Variants in TEDC1 observed in about 807,000 individuals in gnomAD.
The protein encoded by TEDC1 is tubulin epsilon and delta complex 1, also known as tubulin epsilon and delta complex protein 1.
In TEDC1, 54 loss-of-function variants were observed where a neutral mutation model predicts 59.9. The observed-to-expected ratio is 0.90, with a 90% CI of 0.72 to 1.13. The LOEUF (loss-of-function observed/expected upper bound fraction) is 1.13. Among genes scored for constraint, TEDC1 ranks in the 50% most tolerant of loss-of-function variants. The pLI is 0.00. For synonymous variants in TEDC1, 353 were observed against 298.1 expected (o/e 1.18, Z -1.90); for missense variants, 734 against 683.4 (o/e 1.07, Z -0.83).
rs2084402723 is a variant in TEDC1 at position 105,498,693 on chromosome 14, G to A, written c.1235G>A (p.Gly412Glu). The change falls in exon 9 of 9, where the codon GGA (glycine) becomes GAA (glutamate). Residue 412 changes from glycine (G) to glutamate (E), a missense_variant. Transcript: ENST00000392523. ...CGGGAGGCTGTGGAAAAGGAGCTGG[G>A]AGCTCTACAGCAGTGCTGGGAGCGA... ...ASREAVEKELGALQQCWERDG... is the reference protein window; with the variant it reads ...ASREAVEKELEALQQCWERDG... 1.3e-6 allele frequency: 2 copies of A among 1,553,606 alleles called. No individual in the cohort carries two copies. The highest frequency in any genetic ancestry group is 1.7e-6 in the Non-Finnish European group (2 of 1,148,990).
At position 105,497,284 on chromosome 14, in the gene TEDC1, C is replaced by T. The variant is rs587746042; in HGVS notation, c.892-73C>T. 6.1e-5 allele frequency: 87 copies of T among 1,433,812 alleles called. No individual in the cohort carries two copies. The East Asian group carries it at 1.8e-3, about 29-fold the overall frequency. The allele number at this position is 1,433,812 out of a possible 1,614,324, so 88.8% of individuals were successfully genotyped here. A position where few individuals can be genotyped will look rare whatever the true frequency, so the allele number is the denominator to read the frequency against. On this transcript the variant is annotated intron_variant, in intron 6 of 8. Coordinates refer to ENST00000392523, the MANE Select transcript of TEDC1 (RefSeq NM_001367178.1). The stretch of plus-strand genomic sequence containing the variant: ...GTTGGGCCGGGTGTCGGCGCTGGGT[C>T]CAGCTGTCCATCCGACTGTCTGTCC...
chr14:105,497,809 G>A lies in TEDC1; in HGVS notation c.990G>A (p.Leu330=), dbSNP rs2084381377. 1 of 1,566,774 alleles carries A rather than the reference G, an allele frequency of 6.4e-7. No homozygotes were observed. The highest frequency in any genetic ancestry group is 2.3e-5 in the East Asian group (1 of 43,102). Residue 330 remains leucine, a synonymous_variant, in exon 8 of 9, where the codon CTG becomes CTA. Coordinates refer to ENST00000392523, the MANE Select transcript of TEDC1 (RefSeq NM_001367178.1). Reference sequence around the variant, plus strand: ...TTGGGTCTCTGTAGGACACGGTCCTGGGCACCTGTGCCCCGGAGGTGCCTG... The same window carrying A: ...TTGGGTCTCTGTAGGACACGGTCCTAGGCACCTGTGCCCCGGAGGTGCCTG... ...LVFWRWMDTV[L]GTCAPEVPAA...
chr14:105,492,629 G>A lies in TEDC1; in HGVS notation c.480G>A (p.Glu160=), dbSNP rs1555439708. The A allele has an allele frequency of 1.3e-6, 2 of 1,543,374 alleles. No individual in the cohort carries two copies. ...PGPPAPHMEA[E]GPVDVRHVQW... is the part of the protein sequence containing the mutation. Reference sequence around the variant, plus strand: ...CACCTGCACCCCACATGGAAGCAGAGGGTCCTGTGGATGTCCGCCATGTGC... The same window carrying A: ...CACCTGCACCCCACATGGAAGCAGAAGGTCCTGTGGATGTCCGCCATGTGC... The change falls in exon 4 of 9, where the codon GAG becomes GAA. Residue 160 remains glutamate (E), a synonymous_variant. Transcript: ENST00000392523.
chr14:105,492,832 G>A, intron 4 of TEDC1, 98 bp downstream of exon 4: 7 of 1,448,906 alleles, frequency 4.8e-6, no homozygotes, highest in South Asian at 4.1e-5. Flanking sequence ...CCTGGCACAG[G>A]CTTTTGGCTG....
chr14:105,495,623 C>A, intron 5 of TEDC1: 1 of 457,990 alleles, frequency 2.2e-6, no homozygotes, highest in East Asian at 3.8e-5. Context: ...AGGCAGCATC[C>A]GGGCGTCCTG....
In TEDC1 at chr14:105,492,109, G is replaced by C. The variant is rs782787250; in HGVS notation, c.229G>C (p.Val77Leu). Residue 77 changes from valine to leucine, a missense_variant and splice_region_variant, in exon 3 of 9, where the codon GTC becomes CTC. Val to Leu is a conservative substitution (Grantham distance 32). Coordinates refer to ENST00000392523, the MANE Select transcript of TEDC1 (RefSeq NM_001367178.1). Reference protein sequence around the residue: ...GNALASLALEVQARLVKSALC... With the variant: ...GNALASLALELQARLVKSALC... ...AAGGTGGTGGTCTTCTGTCCTAGAG[G>C]TCCAAGCCCGCTTGGTGAAGTCAGC... The C allele has an allele frequency of 3.1e-6, 5 of 1,600,348 alleles. No homozygotes were observed. Among genetic ancestry groups the C allele is most frequent in the Non-Finnish European group, 4.3e-6 (5 of 1,174,080 alleles).
intron 4 of TEDC1, 136 bp from the exon 5 acceptor site, chr14:105,493,699 A>G: frequency 3.1e-6 from 2 of 652,398 alleles, no homozygotes; most frequent in Non-Finnish European, 2.7e-6. Flanking sequence ...TCAGGCAAGG[A>G]GTGGCTTTCT....
upstream of TEDC1, chr14:105,490,901 G>C: frequency 1.0e-6 from 1 of 956,880 alleles, no homozygotes; most frequent in Non-Finnish European, 1.6e-6. Context: ...GATGGGTGGG[G>C]TCTGAGCGAG....
At chr14:105,492,991 C>G (rs1156681745) in intron 4 of TEDC1, among the ~76,000 whole-genome samples, 1 of 152,128 alleles carries the variant, frequency 6.6e-6, no homozygotes, top group African/African-American at 2.4e-5. Flanking sequence ...ATTTGCCTTT[C>G]TGTTCCCAAA....
intron 4 of TEDC1, 135 bp from the exon 5 acceptor site, chr14:105,493,700 G>T: frequency 1.5e-6 from 1 of 660,968 alleles, no homozygotes; most frequent in Non-Finnish European, 2.7e-6. Flanking sequence ...CAGGCAAGGA[G>T]TGGCTTTCTC....
chr14:105,493,459 C>G (rs1258551509), intron 4 of TEDC1, among the ~76,000 whole-genome samples: 1 of 152,160 alleles, frequency 6.6e-6, no homozygotes, highest in Admixed American at 6.5e-5. Flanking sequence ...TCCCTAGATC[C>G]AAGCAGTCGT....
Position 105,492,894 on chromosome 14 carries a change from G to A in TEDC1, c.585+160G>A, listed in dbSNP as rs188900667. Among the ~76,000 whole-genome samples, 145 of 152,314 alleles carry A rather than the reference G, an allele frequency of 9.5e-4. 2 individuals carry two copies. Among genetic ancestry groups the A allele is most frequent in the Admixed American group, 8.5e-3 (130 of 15,304 alleles). Reference sequence around the variant, plus strand: ...CCCAAAGCCTGAGCCCGTGGTTCCCGGTGGTCCTTGTAGGGGGCAGGGCTG... The same window carrying A: ...CCCAAAGCCTGAGCCCGTGGTTCCCAGTGGTCCTTGTAGGGGGCAGGGCTG... On this transcript the variant is annotated intron_variant, in intron 4 of 8. Coordinates refer to ENST00000392523, the MANE Select transcript of TEDC1 (RefSeq NM_001367178.1).
In TEDC1 at chr14:105,493,852, C is replaced by T. The variant is rs150648235; in HGVS notation, c.603C>T (p.Arg201=). The change falls in exon 5 of 9, where the codon CGC becomes CGT. Residue 201 remains arginine (R), a synonymous_variant. Transcript: ENST00000392523. ...TGTTTTAGATCCACCTGTACACACG[C>T]GGCTGCCACAGCGACCAGAGCCTTA... ...ALLSKIHLYT[R]GCHSDQSLSH... is the part of the protein sequence containing the mutation. The T allele has an allele frequency of 1.4e-4, 218 of 1,605,358 alleles. No individual in the cohort carries two copies. The highest frequency in any genetic ancestry group is 1.7e-4 in the Non-Finnish European group (203 of 1,178,402).
At position 105,491,410 on chromosome 14, in the gene TEDC1, C is replaced by T. The variant is rs942266793; in HGVS notation, c.35C>T (p.Ala12Val). 1.1e-4 allele frequency: 152 copies of T among 1,417,426 alleles called. No homozygotes were observed. Among genetic ancestry groups the T allele is most frequent in the Non-Finnish European group, 1.3e-4 (146 of 1,095,382 alleles). 87.8% of individuals were successfully genotyped at this position (1,417,426 alleles called of 1,614,324 possible). A position where few individuals can be genotyped will look rare whatever the true frequency, so the allele number is the denominator to read the frequency against. ...CGGCGGCAGCGGGTGGACCCCGCGGCTGGGGCCCGGGCCGGGGCCCTGCCT... is the reference window on the plus strand; with the variant it reads ...CGGCGGCAGCGGGTGGACCCCGCGGTTGGGGCCCGGGCCGGGGCCCTGCCT... Reference protein sequence around the residue: ...GRRRQRVDPAAGARAGALPEA... With the variant: ...GRRRQRVDPAVGARAGALPEA... The change falls in exon 1 of 9, where the codon GCT (alanine) becomes GTT (valine). Residue 12 changes from alanine (A) to valine (V), a missense_variant. By Grantham distance (64) the Ala-to-Val change is moderately conservative. Coordinates refer to ENST00000392523, the MANE Select transcript of TEDC1 (RefSeq NM_001367178.1).
rs1555440617 is a variant in TEDC1, at chr14:105,497,350, C to T, written c.892-7C>T. 1.3e-6 allele frequency: 2 copies of T among 1,550,240 alleles called. No homozygotes were observed. The highest frequency in any genetic ancestry group is 2.0e-5 in the Admixed American group (1 of 51,034). ...AGGTTCTAGGCCAGCTGCCGTTTGCCTTCCAGCTGCTGCGGACTCTGGAGC... is the reference window on the plus strand; with the variant it reads ...AGGTTCTAGGCCAGCTGCCGTTTGCTTTCCAGCTGCTGCGGACTCTGGAGC... On this transcript the variant is annotated splice_polypyrimidine_tract_variant and splice_region_variant and intron_variant, in intron 6 of 8. Transcript: ENST00000392523.
chr14:105,494,035 G>A (rs1281907380), intron 5 of TEDC1, 102 bp downstream of exon 5: 9 of 863,940 alleles, frequency 1.0e-5, no homozygotes, highest in Non-Finnish European at 1.6e-5. Flanking sequence ...GCAGCTCTTG[G>A]GCCTCCAGCG....
chr14:105,498,909 G>A lies in TEDC1; in HGVS notation c.1451G>A (p.Arg484His), dbSNP rs782358864. 9.9e-6 allele frequency: 16 copies of A among 1,610,514 alleles called. No homozygotes were observed. Among genetic ancestry groups the A allele is most frequent in the South Asian group, 7.7e-5 (7 of 90,594 alleles). Reference sequence around the variant, plus strand: ...GAACTGGCCAGGCTGGTGGGAGCCCGCCCTGGTCTCATCTGGATCCCGCCA... The same window carrying A: ...GAACTGGCCAGGCTGGTGGGAGCCCACCCTGGTCTCATCTGGATCCCGCCA... ...RQELARLVGA[R>H]PGLIWIPPPG... Residue 484 changes from arginine to histidine, a missense_variant, in exon 9 of 9, where the codon CGC becomes CAC. Arg to His is a conservative substitution (Grantham distance 29). Transcript: ENST00000392523.
chr14:105,496,933 C>T lies in TEDC1; in HGVS notation c.892-424C>T, dbSNP rs2084359893. ...GCTCCTTCGTTTGGGGCCTCCCCGT[C>T]CGCCTGCAGTCCCCGGATACAGCCC... On this transcript the variant is annotated intron_variant, in intron 6 of 8. Coordinates refer to ENST00000392523, the MANE Select transcript of TEDC1 (RefSeq NM_001367178.1). 3 of 234,730 alleles carry T rather than the reference C, an allele frequency of 1.3e-5. No homozygotes were observed. In the Admixed American group the frequency reaches 1.8e-4, roughly 14 times the overall value. The allele number at this position is 234,730 out of a possible 1,614,324, so 14.5% of individuals were successfully genotyped here.
chr14:105,492,102 C>A lies in TEDC1; in HGVS notation c.227-5C>A, dbSNP rs781854466. On this transcript the variant is annotated splice_polypyrimidine_tract_variant and splice_region_variant and intron_variant, in intron 2 of 8. Coordinates refer to ENST00000392523, the MANE Select transcript of TEDC1 (RefSeq NM_001367178.1). ...TCCCCCTAAGGTGGTGGTCTTCTGT[C>A]CTAGAGGTCCAAGCCCGCTTGGTGA... 1 of 1,592,616 alleles carries A rather than the reference C, an allele frequency of 6.3e-7. No homozygotes were observed. Among genetic ancestry groups the A allele is most frequent in the African/African-American group, 1.3e-5 (1 of 74,420 alleles).
Sources: allele counts gnomAD v4.1 joint callset (sites outside exome capture counted in the v4.1 genomes callset), GRCh38; gene constraint gnomAD v4.1.1; transcripts MANE v1.5; gene names NCBI Gene and HGNC (gene_info 2026-07-23, HGNC 2026-07-21).